The following MYOF variants were observed in gnomAD, a reference collection of about 807,000 sequenced individuals.
MYOF encodes the protein fer-1-like 3, myoferlin.
Under a neutral mutation model 284.2 loss-of-function variants are expected in MYOF, and 244 were observed. That is an observed-to-expected ratio of 0.86 (90% CI 0.77 to 0.95). The LOEUF is 0.95. Ranked by LOEUF, MYOF falls within the 40% of genes least tolerant of loss-of-function variation. The pLI is 0.00. For synonymous variants in MYOF, 904 were observed against 919.7 expected, an observed-to-expected ratio of 0.98 and a Z score of 0.31; for missense variants, 2,496 against 2,560.6, an observed-to-expected ratio of 0.97 and a Z score of 0.54.
chr10:93,316,623 G>T, intron 50 of MYOF, 91 bp downstream of exon 50: 1 of 1,207,182 alleles, frequency 8.3e-7, no homozygotes, highest in Non-Finnish European at 1.2e-6. Flanking sequence ...AAAAAGTATT[G>T]AAGATTTAAA....
chr10:93,315,987 A>G (rs888372786), intron 50 of MYOF, among the ~76,000 whole-genome samples: 5 of 150,896 alleles, frequency 3.3e-5, no homozygotes, highest in Admixed American at 2.6e-4. Flanking sequence ...AAAATTAGCC[A>G]GGTTTCGTAT....
At chr10:93,470,931 G>A (rs946374255) in intron 1 of MYOF, among the ~76,000 whole-genome samples, 1 of 152,096 alleles carries the variant, frequency 6.6e-6, no homozygotes, top group Non-Finnish European at 1.5e-5. Context: ...GAGTGTCCTA[G>A]CAATGAATTC....
intron 3 of MYOF, among the ~76,000 whole-genome samples, chr10:93,449,582 C>T (rs1027068992): frequency 4.6e-5 from 7 of 152,106 alleles, no homozygotes; most frequent in Non-Finnish European, 8.8e-5. Flanking sequence ...CTGAGATATG[C>T]GACAGAAACT....
At chr10:93,457,047 C>T in intron 1 of MYOF, 110 bp from the exon 2 acceptor site, 1 of 735,112 alleles carries the variant, frequency 1.4e-6, no homozygotes, top group Non-Finnish European at 2.2e-6. Flanking sequence ...GCACCCACAT[C>T]TCCCCATTCA....
At chr10:93,431,336 G>T in intron 4 of MYOF, 72 bp downstream of exon 4, 2 of 1,359,590 alleles carry the variant, frequency 1.5e-6, no homozygotes, top group East Asian at 2.4e-5. Flanking sequence ...CCCGGCCTTA[G>T]ACCTTTTTCT....
rs569127811 is a variant in MYOF, at chr10:93,401,065, TGATAATA to T, written c.1117+346_1117+352del. On this transcript the variant is annotated intron_variant, in intron 12 of 53. Transcript: ENST00000359263. ...TAGCTGGATAGCAAACACCTTGATTTGATAATAACAGTTCACATTTTCATTTGGGATA... is the reference window on the plus strand; with the variant it reads ...TAGCTGGATAGCAAACACCTTGATTTACAGTTCACATTTTCATTTGGGATA... 2.5e-3 allele frequency among the ~76,000 whole-genome samples: 374 copies of T among 152,188 alleles called. 1 individual carries two copies. Among genetic ancestry groups the T allele is most frequent in the Non-Finnish European group, 4.0e-3 (273 of 68,012 alleles).
At position 93,377,418 on chromosome 10, in the gene MYOF, T is replaced by C; in HGVS notation, c.2013A>G (p.Ile671Met). 4 of 1,612,764 alleles carry C rather than the reference T, an allele frequency of 2.5e-6. No individual in the cohort carries two copies. The highest frequency in any genetic ancestry group is 3.4e-6 in the Non-Finnish European group (4 of 1,178,862). ...LAMAERLQTN[I>M]EALKSGIQGK... ...CTTGTATCCCTGATTTTAGAGCTTC[T>C]ATATTTGTTTGCTGAAGAATTTGAA... is the stretch of plus-strand genomic sequence containing the variant. Residue 671 changes from isoleucine (I) to methionine (M), a missense_variant, in exon 22 of 54, where the codon ATA (isoleucine) becomes ATG (methionine). Physicochemically the swap from Ile to Met is conservative, Grantham distance 10 (BLOSUM62 1). This residue lies in a region of MYOF where 2,436 missense variants were observed against 2,480.7 expected (regional missense o/e 0.98). Transcript: ENST00000359263.
chr10:93,353,846 C>A lies in MYOF; in HGVS notation c.3446G>T (p.Arg1149Ile), dbSNP rs771742038. The change falls in exon 32 of 54, where the codon AGA becomes ATA. Residue 1149 changes from arginine (R) to isoleucine (I), a missense_variant. Physicochemically the swap from Arg to Ile is moderately conservative, Grantham distance 97. Around this residue, in one of 3 missense-constraint regions of MYOF, gnomAD observed 2,436 missense variants for 2,480.7 expected, o/e 0.98. Coordinates refer to ENST00000359263, the MANE Select transcript of MYOF (RefSeq NM_013451.4). ...ATCCTTATCTAAAGCCAAGAGGTTT[C>A]TGGCTTGATAGACATAGCAGCGCAG... ...YHLRCYVYQA[R>I]NLLALDKDSF... is the part of the protein sequence containing the mutation. 4.3e-6 allele frequency: 7 copies of A among 1,610,546 alleles called. No homozygotes were observed. The highest frequency in any genetic ancestry group is 3.3e-5 in the Admixed American group (2 of 59,798).
At chr10:93,353,526 C>T (rs1844629838) in intron 32 of MYOF, among the ~76,000 whole-genome samples, 2 of 152,056 alleles carry the variant, frequency 1.3e-5, no homozygotes, top group Admixed American at 1.3e-4. Flanking sequence ...TGTATATAAA[C>T]AGAGATGAGA....
At chr10:93,381,863 C>G (rs1298849523) in intron 19 of MYOF, among the ~76,000 whole-genome samples, 1 of 151,996 alleles carries the variant, frequency 6.6e-6, no homozygotes, top group Non-Finnish European at 1.5e-5. Context: ...ATGGTGAAAC[C>G]CTGTCTCTAC....
chr10:93,402,299 G>T lies in MYOF; in HGVS notation c.923C>A (p.Thr308Asn). 1 of 1,614,086 alleles carries T rather than the reference G, an allele frequency of 6.2e-7. No individual in the cohort carries two copies. Among genetic ancestry groups the T allele is most frequent in the South Asian group, 1.1e-5 (1 of 91,080 alleles). The change falls in exon 11 of 54, where the codon ACC becomes AAC. Residue 308 changes from threonine to asparagine, a missense_variant. This residue lies in a region of MYOF where 2,436 missense variants were observed against 2,480.7 expected (regional missense o/e 0.98). Coordinates refer to ENST00000359263, the MANE Select transcript of MYOF (RefSeq NM_013451.4). ...CATATAACCTTTAGAACCTGAACTG[G>T]TATCTTCCGGGTCATTGAGAAGAAG... is the stretch of plus-strand genomic sequence containing the variant. ...KWLLLNDPED[T>N]SSGSKGYMKV... is the part of the protein sequence containing the mutation.
chr10:93,475,324 T>C (rs985363575), intron 1 of MYOF, among the ~76,000 whole-genome samples: 2 of 152,224 alleles, frequency 1.3e-5, no homozygotes, highest in African/African-American at 4.8e-5. Flanking sequence ...GCATTCTATA[T>C]ACTACGTTTC....
chr10:93,353,729 A>C, intron 32 of MYOF, 82 bp downstream of exon 32: 1 of 1,176,702 alleles, frequency 8.5e-7, no homozygotes, highest in Non-Finnish European at 1.2e-6. Flanking sequence ...GTTAGAAATG[A>C]CAAAAAGCAT....
At chr10:93,368,007 G>T (rs939713771) in intron 25 of MYOF, among the ~76,000 whole-genome samples, 1 of 152,078 alleles carries the variant, frequency 6.6e-6, no homozygotes, top group African/African-American at 2.4e-5. Flanking sequence ...TGCAGGGAAG[G>T]ATCCAAAAAT....
chr10:93,422,818 C>A (rs1381851111), intron 5 of MYOF, among the ~76,000 whole-genome samples: 1 of 151,904 alleles, frequency 6.6e-6, no homozygotes, highest in Admixed American at 6.6e-5. Context: ...TAAAATAAAC[C>A]CAGCAAGCAA....
chr10:93,408,815 T>A lies in MYOF; in HGVS notation c.701A>T (p.Lys234Met). The A allele has an allele frequency of 6.2e-7, 1 of 1,614,198 alleles. No homozygotes were observed. The highest frequency in any genetic ancestry group is 8.5e-7 in the Non-Finnish European group (1 of 1,180,034). ...VCGQTHRTRI[K>M]RGNNPFFDEL... ...ATCAAAAAAAGGGTTGTTTCCTCTC[T>A]TGATTCTTGTTCGGTGTGTCTGGCC... The change falls in exon 7 of 54, where the codon AAG (lysine) becomes ATG (methionine). Residue 234 changes from lysine to methionine, a missense_variant. Around this residue, in one of 3 missense-constraint regions of MYOF, gnomAD observed 2,436 missense variants for 2,480.7 expected, o/e 0.98. Transcript: ENST00000359263.
At chr10:93,472,605 C>T (rs927024768) in intron 1 of MYOF, among the ~76,000 whole-genome samples, 2 of 152,152 alleles carry the variant, frequency 1.3e-5, no homozygotes, top group African/African-American at 2.4e-5. Context: ...CGCCATTGCA[C>T]TCCAGCTTGG....
At chr10:93,406,288 T>TTTTTTATATATATATATATATATATATA (rs1271223936) in intron 7 of MYOF, among the ~76,000 whole-genome samples, 2 of 58,126 alleles carry the variant, frequency 3.4e-5, no homozygotes, top group Non-Finnish European at 8.5e-5. Context: ...TAAACCTCTT[T>TTTTTTATATATATATATATATATATATA]TATATATATA....
rs143014309 is a variant in MYOF at position 93,442,799 on chromosome 10, A to G, written c.236+9251T>C. Among the ~76,000 whole-genome samples, 40 of 152,300 alleles carry G rather than the reference A, an allele frequency of 2.6e-4. No individual in the cohort carries two copies. The East Asian group carries it at 7.3e-3, about 28-fold the overall frequency. The stretch of plus-strand genomic sequence containing the variant: ...TAGCAGTCCAAGTTAATTTTTTTAA[A>G]TTATCTTCCATGTCCCTACTAGCAT... On this transcript the variant is annotated intron_variant, in intron 3 of 53. Transcript: ENST00000359263.
Sources: gnomAD v4.1 joint callset for allele counts (sites outside exome capture counted in the v4.1 genomes callset) on GRCh38, gnomAD v4.1.1 for gene constraint, gnomAD v4.1.1 regional missense constraint, MANE v1.5 for transcripts, NCBI Gene and HGNC (gene_info 2026-07-23, HGNC 2026-07-21) for gene names.